Variants in PPP2R5E observed in about 807,000 individuals in gnomAD.
The protein encoded by PPP2R5E is protein phosphatase 2 regulatory subunit B'epsilon, also known as serine/threonine-protein phosphatase 2A 56 kDa regulatory subunit epsilon isoform.
A neutral mutation model predicts 65.3 loss-of-function variants in PPP2R5E; 4 were observed. That is an observed-to-expected ratio of 0.06 (90% CI 0.03 to 0.14). The LOEUF is 0.14. Among genes scored for constraint, PPP2R5E ranks in the 10% least tolerant of loss-of-function variants. The pLI is 1.00. For missense variants in PPP2R5E, 274 were observed against 556.1 expected (o/e 0.49, Z 5.10); for synonymous variants, 183 against 187.4 (o/e 0.98, Z 0.19).
intron 2 of PPP2R5E, among the ~76,000 whole-genome samples, chr14:63,489,416 C>CT (rs200892473): frequency 0.17 from 23,627 of 141,856 alleles, 3,829 homozygotes; most frequent in African/African-American, 0.42. Context: ...TTGTTGTTTT[C>CT]TTTTTTTTTT....
chr14:63,380,250 A>G (rs1397400978), intron 13 of PPP2R5E, among the ~76,000 whole-genome samples: 1 of 152,212 alleles, frequency 6.6e-6, no homozygotes, highest in Non-Finnish European at 1.5e-5. Context: ...GATGCAACAC[A>G]GTATTAAAAT....
At chr14:63,483,179 A>G (rs1475770986) in intron 2 of PPP2R5E, among the ~76,000 whole-genome samples, 1 of 152,142 alleles carries the variant, frequency 6.6e-6, no homozygotes, top group African/African-American at 2.4e-5. Context: ...AAAAAATCAT[A>G]CAGTATGTTG....
At chr14:63,523,743 T>TA (rs201593214) in intron 2 of PPP2R5E, among the ~76,000 whole-genome samples, 17,839 of 128,236 alleles carry the variant, frequency 0.14, 1,190 homozygotes, top group African/African-American at 0.19. Flanking sequence ...GGTTACACGC[T>TA]AAAAAAAAAA....
chr14:63,438,705 C>G (rs1472224378), intron 3 of PPP2R5E, among the ~76,000 whole-genome samples: 1 of 152,204 alleles, frequency 6.6e-6, no homozygotes, highest in Non-Finnish European at 1.5e-5. Flanking sequence ...AGAAGGACTA[C>G]AGCTTGTAAA....
At chr14:63,483,435 G>C (rs201529374) in intron 2 of PPP2R5E, among the ~76,000 whole-genome samples, 1 of 74,592 alleles carries the variant, frequency 1.3e-5, no homozygotes, top group Non-Finnish European at 2.3e-5. Flanking sequence ...AAAAAGAAGG[G>C]GTTGGCCAGA....
In PPP2R5E at chr14:63,496,299, T is replaced by TA. The variant is rs540237686; in HGVS notation, c.158-42415dup. On this transcript the variant is annotated intron_variant, in intron 2 of 13. Coordinates refer to ENST00000337537, the MANE Select transcript of PPP2R5E (RefSeq NM_006246.5). ...AGGCAGATCACCTGAGGTCAGCAGTTAGAGACCAGCCTGGCCAACATAGTA... is the reference window on the plus strand; with the variant it reads ...AGGCAGATCACCTGAGGTCAGCAGTTAAGAGACCAGCCTGGCCAACATAGTA... 2.4e-3 allele frequency among the ~76,000 whole-genome samples: 363 copies of TA among 152,030 alleles called. 6 individuals are homozygous for TA. Among genetic ancestry groups the TA allele is most frequent in the African/African-American group, 8.3e-3 (343 of 41,486 alleles).
At chr14:63,445,493 A>C (rs1163476765) in intron 3 of PPP2R5E, among the ~76,000 whole-genome samples, 1 of 152,122 alleles carries the variant, frequency 6.6e-6, no homozygotes, top group African/African-American at 2.4e-5. Flanking sequence ...ATGGCTGCTA[A>C]CTCATCATAG....
intron 2 of PPP2R5E, among the ~76,000 whole-genome samples, chr14:63,462,068 A>G (rs866920797): frequency 2.6e-4 from 36 of 137,756 alleles, no homozygotes; most frequent in South Asian, 6.5e-4. Context: ...ACCGATTTCA[A>G]CTGTATTTTT....
intron 2 of PPP2R5E, among the ~76,000 whole-genome samples, chr14:63,497,398 C>T (rs1376164939): frequency 6.6e-6 from 1 of 152,084 alleles, no homozygotes; most frequent in African/African-American, 2.4e-5. Flanking sequence ...CTGGATTATC[C>T]ACACCTCTTC....
chr14:63,375,940 T>G lies in PPP2R5E; in HGVS notation c.*69A>C. 1 of 1,107,418 alleles carries G rather than the reference T, an allele frequency of 9.0e-7. No homozygotes were observed. The highest frequency in any genetic ancestry group is 1.6e-5 in the African/African-American group (1 of 63,890). 68.6% of individuals were successfully genotyped at this position (1,107,418 alleles called of 1,614,324 possible). On this transcript the variant is annotated 3_prime_UTR_variant, in exon 14 of 14. Coordinates refer to ENST00000337537, the MANE Select transcript of PPP2R5E (RefSeq NM_006246.5). ...TGTAAAGTTGCACAATACAGAAAAC[T>G]GTTGCTCCATCTTCTACTACATAAA...
At chr14:63,426,520 GTA>G (rs1239977995) in intron 3 of PPP2R5E, among the ~76,000 whole-genome samples, 2 of 151,970 alleles carry the variant, frequency 1.3e-5, no homozygotes, top group African/African-American at 4.8e-5. Flanking sequence ...ATTAAAAGCT[GTA>G]TTAAAGCAAG....
intron 3 of PPP2R5E, among the ~76,000 whole-genome samples, chr14:63,442,266 C>G (rs1436202918): frequency 1.3e-5 from 2 of 152,106 alleles, no homozygotes; most frequent in African/African-American, 4.8e-5. Context: ...TTCTTTTACG[C>G]TTATCCTATC....
chr14:63,411,655 G>GT lies in PPP2R5E; in HGVS notation c.549+3484dup, dbSNP rs1487491181. Among the ~76,000 whole-genome samples the GT allele has an allele frequency of 2.8e-3, 183 of 65,978 alleles. 2 individuals carry two copies. The highest frequency in any genetic ancestry group is 0.016 in the East Asian group (37 of 2,252). The allele number at this position is 65,978 out of a possible 152,430, so 43.3% of individuals were successfully genotyped here. On this transcript the variant is annotated intron_variant, in intron 5 of 13. Transcript: ENST00000337537. Reference sequence around the variant, plus strand: ...CTATTAGCTACCGTGAGATGTGGTTGTTTAAAAAAAAAAAAAAAAAAAAAA... The same window carrying GT: ...CTATTAGCTACCGTGAGATGTGGTTGTTTTAAAAAAAAAAAAAAAAAAAAAA...
At chr14:63,428,907 G>T (rs1021948919) in intron 3 of PPP2R5E, among the ~76,000 whole-genome samples, 3 of 152,046 alleles carry the variant, frequency 2.0e-5, no homozygotes, top group Admixed American at 6.5e-5. Flanking sequence ...CTATGATTTT[G>T]ATTGGCATTT....
chr14:63,419,003 C>T (rs1266070074), intron 4 of PPP2R5E, among the ~76,000 whole-genome samples: 4 of 151,974 alleles, frequency 2.6e-5, no homozygotes, highest in African/African-American at 9.7e-5. Flanking sequence ...TGTGCTGCCA[C>T]GCCTGTCTAA....
At chr14:63,382,975 C>G (rs1481131063) in intron 12 of PPP2R5E, among the ~76,000 whole-genome samples, 2 of 152,146 alleles carry the variant, frequency 1.3e-5, no homozygotes, top group Non-Finnish European at 2.9e-5. Flanking sequence ...ATCAAGCCCT[C>G]ATGTAGGTTG....
At chr14:63,413,143 C>G (rs1952041176) in intron 5 of PPP2R5E, among the ~76,000 whole-genome samples, 1 of 152,200 alleles carries the variant, frequency 6.6e-6, no homozygotes, top group Non-Finnish European at 1.5e-5. Context: ...CTTTCCAAAT[C>G]TGGGTTTCTC....
At chr14:63,440,801 T>G (rs1888193536) in intron 3 of PPP2R5E, among the ~76,000 whole-genome samples, 1 of 108,910 alleles carries the variant, frequency 9.2e-6, no homozygotes, top group Non-Finnish European at 1.8e-5. Context: ...AAAAAAAAAT[T>G]AGCTGGGCGT....
rs1454430811 is a variant in PPP2R5E at position 63,375,830 on chromosome 14, T to C, written c.*179A>G. On this transcript the variant is annotated 3_prime_UTR_variant, in exon 14 of 14. Coordinates refer to ENST00000337537, the MANE Select transcript of PPP2R5E (RefSeq NM_006246.5). Reference sequence around the variant, plus strand: ...GTCCATCTACTGTCCAAACTTTGGATTGAAGTCCTTATTTTGTTTTTTCCT... The same window carrying C: ...GTCCATCTACTGTCCAAACTTTGGACTGAAGTCCTTATTTTGTTTTTTCCT... 2.4e-6 allele frequency: 1 copy of C among 414,460 alleles called. No individual in the cohort carries two copies. Among genetic ancestry groups the C allele is most frequent in the African/African-American group, 2.1e-5 (1 of 48,778 alleles). 25.7% of individuals were successfully genotyped at this position (414,460 alleles called of 1,614,324 possible).
Sources: gnomAD v4.1 joint callset for allele counts (sites outside exome capture counted in the v4.1 genomes callset) on GRCh38, gnomAD v4.1.1 for gene constraint, MANE v1.5 for transcripts, NCBI Gene and HGNC (gene_info 2026-07-23, HGNC 2026-07-21) for gene names.